QSOX2: variants seen among roughly 807,000 people sequenced by gnomAD.
QSOX2 encodes sulfhydryl oxidase 2.
Under a neutral mutation model 61.7 loss-of-function variants are expected in QSOX2, and 46 were observed. The ratio of observed to expected loss-of-function variants is 0.75; its 90% CI spans 0.59 to 0.95. The LOEUF (loss-of-function observed/expected upper bound fraction) is 0.95. Among genes scored for constraint, QSOX2 ranks in the 40% least tolerant of loss-of-function variants. QSOX2 has a pLI of 0.00. For missense variants in QSOX2, 879 were observed against 918.9 expected (o/e 0.96, Z 0.56); for synonymous variants, 383 against 388.4 (o/e 0.99, Z 0.16).
intron 1 of QSOX2, among the ~76,000 whole-genome samples, chr9:136,244,726 A>T (rs901755244): frequency 4.6e-5 from 7 of 152,228 alleles, no homozygotes; most frequent in African/African-American, 9.6e-5. Flanking sequence ...ACAACGTGCG[A>T]CCAGATGAAA....
intron 11 of QSOX2, chr9:136,210,603 C>T (rs1831832749): frequency 1.0e-5 from 10 of 985,444 alleles, no homozygotes; most frequent in African/African-American, 1.7e-5. Flanking sequence ...ACCCCGGCCC[C>T]GGCAGTCAGG....
Position 136,221,735 on chromosome 9 carries a change from G to T in QSOX2, c.821+61C>A. 4 of 1,505,472 alleles carry T rather than the reference G, an allele frequency of 2.7e-6. No individual in the cohort carries two copies. Among genetic ancestry groups the T allele is most frequent in the Non-Finnish European group, 2.7e-6 (3 of 1,120,850 alleles). 93.3% of individuals were successfully genotyped at this position (1,505,472 alleles called of 1,614,324 possible). On this transcript the variant is annotated intron_variant, in intron 6 of 11. Transcript: ENST00000358701. The surrounding 1 kb of genome is among the most constrained non-coding windows in gnomAD (Gnocchi z 4.5). ...CACACCAGACTTGCACTGTCTACTC[G>T]GAGCCTCTGTCCGGTAACTCCGAGC... is the stretch of plus-strand genomic sequence containing the variant.
intron 1 of QSOX2, among the ~76,000 whole-genome samples, chr9:136,239,843 C>T (rs1441425265): frequency 6.6e-6 from 1 of 152,268 alleles, no homozygotes; most frequent in African/African-American, 2.4e-5. Flanking sequence ...AGCAGCTGAA[C>T]AGGCGCCAGG....
intron 3 of QSOX2, among the ~76,000 whole-genome samples, chr9:136,224,449 G>A (rs13440444): frequency 0.038 from 5,781 of 152,068 alleles, 337 homozygotes; most frequent in African/African-American, 0.13. Flanking sequence ...CCCAGGGCGC[G>A]GCGAGGAGCA....
At chr9:136,225,654 C>T (rs543950021) in intron 2 of QSOX2, among the ~76,000 whole-genome samples, 2 of 152,354 alleles carry the variant, frequency 1.3e-5, no homozygotes, top group South Asian at 4.1e-4. Context: ...AGTGGCTTCT[C>T]TCCCAGCCTC....
Position 136,216,590 on chromosome 9 carries a change from T to C in QSOX2, c.1209+10A>G. On this transcript the variant is annotated intron_variant, in intron 9 of 11. Coordinates refer to ENST00000358701, the MANE Select transcript of QSOX2 (RefSeq NM_181701.4). ...GGTGCAGCGTGGCTGGCGAGGGTTC[T>C]GGGGCTCACCCGCATCTTGTTGTTG... 2.5e-6 allele frequency: 4 copies of C among 1,613,434 alleles called. No homozygotes were observed. Among genetic ancestry groups the C allele is most frequent in the Non-Finnish European group, 3.4e-6 (4 of 1,179,686 alleles).
chr9:136,214,543 G>A (rs891761707), intron 10 of QSOX2, among the ~76,000 whole-genome samples: 3 of 152,208 alleles, frequency 2.0e-5, no homozygotes, highest in Non-Finnish European at 4.4e-5. Context: ...ATGGAGCTCA[G>A]GGCCTTAGGC....
intron 11 of QSOX2, chr9:136,210,029 C>G (rs1831826797): frequency 2.0e-6 from 2 of 985,430 alleles, no homozygotes; most frequent in Non-Finnish European, 1.2e-6. Context: ...CCACGTTTGT[C>G]TGGGGGACTT....
At chr9:136,230,457 C>T (rs758155326) in intron 1 of QSOX2, among the ~76,000 whole-genome samples, 15 of 152,342 alleles carry the variant, frequency 9.8e-5, no homozygotes, top group South Asian at 2.1e-4. Flanking sequence ...AGGCATGATC[C>T]GACCCAGGCC....
chr9:136,217,611 T>C lies in QSOX2; in HGVS notation c.1087-889A>G, dbSNP rs370774738. ...AGAATAACTTATTAATACCCTGGCC[T>C]CAGGAGTTGCCCAGAGCACAAGTGT... is the stretch of plus-strand genomic sequence containing the variant. On this transcript the variant is annotated intron_variant, in intron 8 of 11. Transcript: ENST00000358701. 2.0e-5 allele frequency among the ~76,000 whole-genome samples: 3 copies of C among 152,368 alleles called. No individual in the cohort carries two copies. In the East Asian group the frequency reaches 5.8e-4, roughly 29 times the overall value.
intron 8 of QSOX2, among the ~76,000 whole-genome samples, chr9:136,217,468 G>A (rs1831928228): frequency 3.3e-5 from 5 of 152,354 alleles, no homozygotes; most frequent in East Asian, 1.9e-4. Context: ...GACCAGAAAC[G>A]CCGGCATCTT....
rs549358925 is a variant in QSOX2, at chr9:136,238,845, G to A, written c.328+6631C>T. On this transcript the variant is annotated intron_variant, in intron 1 of 11. Coordinates refer to ENST00000358701, the MANE Select transcript of QSOX2 (RefSeq NM_181701.4). ...GGACCTCGTGGTTGCCCCCTTGAGC[G>A]ACCAAGACCCTATCAAAGTCCTTTT... 7.2e-5 allele frequency among the ~76,000 whole-genome samples: 11 copies of A among 152,322 alleles called. No individual in the cohort carries two copies. The Middle Eastern group carries it at 0.01, about 141-fold the overall frequency.
At chr9:136,241,681 C>A (rs1830434575) in intron 1 of QSOX2, among the ~76,000 whole-genome samples, 1 of 152,214 alleles carries the variant, frequency 6.6e-6, no homozygotes, top group Admixed American at 6.5e-5. Flanking sequence ...CTATCACCTG[C>A]AACATGAGCG....
At chr9:136,210,040 G>C (rs983267553) in intron 11 of QSOX2, 1 of 985,326 alleles carries the variant, frequency 1.0e-6, no homozygotes, top group African/African-American at 1.7e-5. Context: ...TGGGGGACTT[G>C]AGACGTGCCT....
chr9:136,209,126 G>A lies in QSOX2; in HGVS notation c.1699C>T (p.Leu567Phe). ...TGGTCTGCGGAATACGTGTCTAAGA[G>A]GTTGTCGCGGCCATAGTGCTGCTTC... The part of the protein sequence containing the change: ...FLKQHYGRDN[L>F]LDTYSADQGD... The change falls in exon 12 of 12, where the codon CTC (leucine) becomes TTC (phenylalanine). Residue 567 changes from leucine to phenylalanine, a missense_variant. By Grantham distance (22) the Leu-to-Phe change is conservative. Transcript: ENST00000358701. The surrounding 1 kb of genome is among the most constrained non-coding windows in gnomAD (Gnocchi z 5.6). 1 of 1,614,198 alleles carries A rather than the reference G, an allele frequency of 6.2e-7. No individual in the cohort carries two copies. Among genetic ancestry groups the A allele is most frequent in the Non-Finnish European group, 8.5e-7 (1 of 1,180,034 alleles).
intron 8 of QSOX2, among the ~76,000 whole-genome samples, chr9:136,217,101 G>T (rs755926355): frequency 6.6e-6 from 1 of 152,246 alleles, no homozygotes; most frequent in African/African-American, 2.4e-5. Flanking sequence ...GAGCTGTGCT[G>T]ACCCCGCCTG....
intron 1 of QSOX2, among the ~76,000 whole-genome samples, chr9:136,239,570 G>A (rs936790850): frequency 6.6e-6 from 1 of 152,196 alleles, no homozygotes; most frequent in Non-Finnish European, 1.5e-5. Context: ...AATTCATCCC[G>A]GAGCGTGAAT....
intron 9 of QSOX2, 22 bp downstream of exon 9, chr9:136,216,576 GCT>G: frequency 1.2e-6 from 2 of 1,611,924 alleles, no homozygotes; most frequent in Non-Finnish European, 1.7e-6. Flanking sequence ...GTGCAGCGTG[GCT>G]GGCGAGGGTT....
In QSOX2 at chr9:136,236,738, G is replaced by A. The variant is rs577392104; in HGVS notation, c.328+8738C>T. 5.1e-4 allele frequency among the ~76,000 whole-genome samples: 77 copies of A among 151,562 alleles called. 1 individual carries two copies. The highest frequency in any genetic ancestry group is 1.3e-3 in the South Asian group (6 of 4,786). ...CACGTGGAGCTCGTCCTGGGTCTGC[G>A]TCACCTGGAGCCCGTCCTGGGCCAG... is the stretch of plus-strand genomic sequence containing the variant. On this transcript the variant is annotated intron_variant, in intron 1 of 11. Coordinates refer to ENST00000358701, the MANE Select transcript of QSOX2 (RefSeq NM_181701.4).
Sources: gnomAD v4.1 joint callset for allele counts (sites outside exome capture counted in the v4.1 genomes callset) on GRCh38, gnomAD v4.1.1 for gene constraint, Gnocchi (gnomAD v3.1) non-coding constraint, MANE v1.5 for transcripts, NCBI Gene and HGNC (gene_info 2026-07-23, HGNC 2026-07-21) for gene names.